The following GUCA1C variants were observed in gnomAD, a reference collection of about 807,000 sequenced individuals.
GUCA1C encodes the protein guanylate cyclase activator 1C, also known as guanylyl cyclase-activating protein 3.
Under a neutral mutation model 16.2 loss-of-function variants are expected in GUCA1C, and 15 were observed. The ratio of observed to expected loss-of-function variants is 0.93; its 90% CI spans 0.62 to 1.43. The LOEUF is 1.43. Among genes scored for constraint, GUCA1C ranks in the 40% most tolerant of loss-of-function variants. GUCA1C has a pLI of 0.00. For missense variants in GUCA1C, 275 were observed against 244.8 expected, an observed-to-expected ratio of 1.12 and a Z score of -0.82; for synonymous variants, 78 against 85.4, an observed-to-expected ratio of 0.91 and a Z score of 0.48.
At chr3:108,915,915 C>T (rs750739294) in intron 3 of GUCA1C, 19 of 561,988 alleles carry the variant, frequency 3.4e-5, no homozygotes, top group Non-Finnish European at 4.9e-5. Flanking sequence ...TATATCCCAA[C>T]ATGTCAAGCA....
chr3:108,936,277 T>C (rs1361138064), intron 1 of GUCA1C, among the ~76,000 whole-genome samples: 1 of 151,942 alleles, frequency 6.6e-6, no homozygotes, highest in Non-Finnish European at 1.5e-5. Flanking sequence ...AAAAGGCTTA[T>C]GTACATGTGA....
chr3:108,911,764 T>C (rs1410810071), intron 3 of GUCA1C, among the ~76,000 whole-genome samples: 1 of 152,202 alleles, frequency 6.6e-6, no homozygotes, highest in Admixed American at 6.5e-5. Context: ...CAATAACATT[T>C]ATTTGTGTCC....
At chr3:108,953,039 A>G (rs533875106) in intron 1 of GUCA1C, among the ~76,000 whole-genome samples, 14 of 152,270 alleles carry the variant, frequency 9.2e-5, no homozygotes, top group African/African-American at 3.1e-4. Context: ...CATTTTTCCC[A>G]AACTAAATTG....
At chr3:108,924,073 T>C (rs1946596419) in intron 1 of GUCA1C, among the ~76,000 whole-genome samples, 1 of 152,132 alleles carries the variant, frequency 6.6e-6, no homozygotes, top group South Asian at 2.1e-4. Flanking sequence ...GTTCTTTAGG[T>C]ATATGATCAC....
intron 1 of GUCA1C, among the ~76,000 whole-genome samples, chr3:108,933,827 TG>T (rs1490187723): frequency 1.3e-5 from 2 of 152,194 alleles, no homozygotes; most frequent in Admixed American, 6.5e-5. Context: ...ATCCCATTAC[TG>T]GGTATATACC....
intron 2 of GUCA1C, among the ~76,000 whole-genome samples, chr3:108,918,303 T>C (rs1417410335): frequency 6.6e-6 from 1 of 152,212 alleles, no homozygotes; most frequent in Non-Finnish European, 1.5e-5. Context: ...TTCCAGTGGC[T>C]CTGCAGGATA....
intron 1 of GUCA1C, among the ~76,000 whole-genome samples, chr3:108,937,457 T>C (rs1476505609): frequency 4.6e-5 from 7 of 152,232 alleles, no homozygotes; most frequent in Non-Finnish European, 8.8e-5. Context: ...GTCCCAATAA[T>C]AGAGCTATGA....
intron 1 of GUCA1C, 116 bp from the exon 2 acceptor site, chr3:108,920,701 A>G (rs1946562092): frequency 5.1e-6 from 3 of 586,620 alleles, no homozygotes; most frequent in Admixed American, 3.7e-5. Flanking sequence ...AATCCATAAG[A>G]TTTCAGCATA....
chr3:108,935,645 A>G (rs938781363), intron 1 of GUCA1C, among the ~76,000 whole-genome samples: 4 of 152,142 alleles, frequency 2.6e-5, no homozygotes, highest in Non-Finnish European at 5.9e-5. Flanking sequence ...ACAGTGAGCC[A>G]AGATTGCGCC....
intron 1 of GUCA1C, among the ~76,000 whole-genome samples, chr3:108,935,457 G>A (rs189383075): frequency 5.3e-4 from 80 of 152,134 alleles, no homozygotes; most frequent in African/African-American, 1.8e-3. Flanking sequence ...TTGGGAGGCC[G>A]AGGAAGGCAG....
At position 108,916,322 on chromosome 3, in the gene GUCA1C, A is replaced by C. The variant is rs1946511830; in HGVS notation, c.355-108T>G. 3 of 948,848 alleles carry C rather than the reference A, an allele frequency of 3.2e-6. 1 individual carries two copies. The highest frequency in any genetic ancestry group is 4.8e-5 in the East Asian group (2 of 41,286). The allele number at this position is 948,848 out of a possible 1,614,324, so 58.8% of individuals were successfully genotyped here. A position where few individuals can be genotyped will look rare whatever the true frequency, so the allele number is the denominator to read the frequency against. On this transcript the variant is annotated intron_variant, in intron 2 of 3. Transcript: ENST00000261047. ...ATTTGGGGATGTGTTGTCGGTTGCT[A>C]TCCAACCTGTACCAGTTGTTAAAAG...
chr3:108,926,086 C>CAA (rs71106606), intron 1 of GUCA1C, among the ~76,000 whole-genome samples: 5,266 of 141,518 alleles, frequency 0.037, 124 homozygotes, highest in Middle Eastern at 0.12. Context: ...GACTCCATCT[C>CAA]AAAAAAAAAA....
At chr3:108,942,976 T>C (rs6776981) in intron 1 of GUCA1C, among the ~76,000 whole-genome samples, 5,165 of 152,270 alleles carry the variant, frequency 0.034, 275 homozygotes, top group African/African-American at 0.12. Flanking sequence ...AAGACATTCA[T>C]TGCCTAAGAG....
At chr3:108,934,686 G>C (rs150401181) in intron 1 of GUCA1C, among the ~76,000 whole-genome samples, 3,778 of 151,812 alleles carry the variant, frequency 0.025, 71 homozygotes, top group Non-Finnish European at 0.039. Context: ...CTATGCAGCC[G>C]AAAAACAGAA....
intron 1 of GUCA1C, among the ~76,000 whole-genome samples, chr3:108,928,873 A>G (rs1169437255): frequency 6.6e-6 from 1 of 152,208 alleles, no homozygotes; most frequent in Non-Finnish European, 1.5e-5. Flanking sequence ...AGGTAGTTTC[A>G]GTCCCCCAAA....
intron 1 of GUCA1C, among the ~76,000 whole-genome samples, chr3:108,925,593 T>C (rs1021132600): frequency 6.6e-6 from 1 of 152,210 alleles, no homozygotes; most frequent in Non-Finnish European, 1.5e-5. Context: ...GAATGTATAT[T>C]CTATAGGTGT....
At chr3:108,941,915 G>A (rs16854978) in intron 1 of GUCA1C, among the ~76,000 whole-genome samples, 4,770 of 152,278 alleles carry the variant, frequency 0.031, 235 homozygotes, top group African/African-American at 0.11. Flanking sequence ...GACACCTAGA[G>A]TCTGTAGCCA....
intron 1 of GUCA1C, among the ~76,000 whole-genome samples, chr3:108,924,055 T>G (rs886969283): frequency 6.6e-6 from 1 of 152,010 alleles, no homozygotes; most frequent in African/African-American, 2.4e-5. Flanking sequence ...TTTGGAGGAG[T>G]CTTTAGAGTT....
In GUCA1C at chr3:108,908,110, A is replaced by G; in HGVS notation, c.542T>C (p.Val181Ala). 1 of 1,613,462 alleles carries G rather than the reference A, an allele frequency of 6.2e-7. No homozygotes were observed. Among genetic ancestry groups the G allele is most frequent in the Non-Finnish European group, 8.5e-7 (1 of 1,179,506 alleles). ...KSFDFSNVLR[V>A]ICNGKQPDME... ...GTCTGGCTGCTTCCCATTACAGATT[A>G]CTCTCAGCACATTGGAGAAGTCGAA... is the stretch of plus-strand genomic sequence containing the variant. The change falls in exon 4 of 4, where the codon GTA becomes GCA. Residue 181 changes from valine (V) to alanine (A), a missense_variant. Val to Ala is a moderately conservative substitution (Grantham distance 64). Coordinates refer to ENST00000261047, the MANE Select transcript of GUCA1C (RefSeq NM_005459.4).
Sources: allele counts gnomAD v4.1 joint callset (sites outside exome capture counted in the v4.1 genomes callset), GRCh38; gene constraint gnomAD v4.1.1; transcripts MANE v1.5; gene names NCBI Gene and HGNC (gene_info 2026-07-23, HGNC 2026-07-21).